Variants in SANBR observed in about 807,000 individuals in gnomAD.
SANBR encodes the protein SANT and BTB domain regulator of class switch recombination.
Under a neutral mutation model 101.8 loss-of-function variants are expected in SANBR, and 77 were observed. That is an observed-to-expected ratio of 0.76 (90% confidence interval 0.63 to 0.91). The LOEUF (loss-of-function observed/expected upper bound fraction) is 0.91, where lower values mean the gene tolerates loss of function less well. Among genes scored for constraint, SANBR ranks in the 40% least tolerant of loss-of-function variants. The probability of loss-of-function intolerance (pLI) is 0.00; values close to 1 mark genes in which losing one functional copy is unlikely to be tolerated. For synonymous variants in SANBR, 279 were observed against 274.7 expected (o/e 1.02, Z -0.15); for missense variants, 875 against 853.0 (o/e 1.03, Z -0.32).
chr2:61,089,827 G>A (rs936831863), intron 10 of SANBR, among the ~76,000 whole-genome samples: 4 of 152,194 alleles, frequency 2.6e-5, no homozygotes, highest in African/African-American at 4.8e-5. Flanking sequence ...CCTTCATCCA[G>A]TATCATTCAG....
At chr2:61,131,819 C>T (rs943240126) in intron 20 of SANBR, among the ~76,000 whole-genome samples, 1 of 152,200 alleles carries the variant, frequency 6.6e-6, no homozygotes, top group Non-Finnish European at 1.5e-5. Flanking sequence ...CAAGACAGTG[C>T]AGTACTGGTA....
intron 20 of SANBR, among the ~76,000 whole-genome samples, chr2:61,120,319 G>T (rs1684272882): frequency 6.6e-6 from 1 of 152,158 alleles, no homozygotes; most frequent in South Asian, 2.1e-4. Flanking sequence ...GGCCAACATG[G>T]TGAAACCCCG....
At chr2:61,075,491 T>G in intron 5 of SANBR, among the ~76,000 whole-genome samples, 1 of 152,172 alleles carries the variant, frequency 6.6e-6, no homozygotes. Context: ...ACTCCTGGGC[T>G]CAAGCAATCC....
In SANBR at chr2:61,097,708, CTG is replaced by C. The variant is rs1343400713; in HGVS notation, c.1223_1224del (p.Cys408TyrfsTer2). On this transcript the variant is annotated frameshift_variant, in exon 12 of 22. Transcript: ENST00000402291. LOFTEE classifies it high-confidence loss of function. ...ATCTATGTCTTTATCAGGCCTTTCTCTGTATTGAATTTTCACATTGTCAATAC... is the reference window on the plus strand; with the variant it reads ...ATCTATGTCTTTATCAGGCCTTTCTCTATTGAATTTTCACATTGTCAATAC... ...TCSRCYQAFL[C>X]IEFSHCQYHS... 3.1e-6 allele frequency: 5 copies of C among 1,599,860 alleles called. No homozygotes were observed. The highest frequency in any genetic ancestry group is 4.3e-6 in the Non-Finnish European group (5 of 1,170,824).
At chr2:61,091,214 C>T (rs1366489440) in intron 10 of SANBR, among the ~76,000 whole-genome samples, 1 of 152,036 alleles carries the variant, frequency 6.6e-6, no homozygotes, top group East Asian at 1.9e-4. Context: ...GAGGCTGAGT[C>T]AGGAGGATTG....
intron 14 of SANBR, 49 bp downstream of exon 14, chr2:61,106,711 A>G (rs1181939500): frequency 8.9e-7 from 1 of 1,122,882 alleles, no homozygotes; most frequent in Non-Finnish European, 1.3e-6. Flanking sequence ...ATAATTAATG[A>G]CATTTAATCT....
intron 10 of SANBR, chr2:61,089,671 A>G (rs1317582981): frequency 6.6e-6 from 1 of 152,220 alleles, no homozygotes; most frequent in African/African-American, 2.4e-5. Context: ...GTGAAACTCC[A>G]TCTCAAATAA....
intron 12 of SANBR, among the ~76,000 whole-genome samples, chr2:61,098,831 T>G (rs1683157752): frequency 6.6e-6 from 1 of 152,210 alleles, no homozygotes; most frequent in South Asian, 2.1e-4. Context: ...CCTGTAAACT[T>G]GGATCATTTA....
chr2:61,120,104 A>G (rs772743278), intron 20 of SANBR, among the ~76,000 whole-genome samples: 8 of 152,204 alleles, frequency 5.3e-5, no homozygotes, highest in Non-Finnish European at 1.2e-4. Flanking sequence ...CACCATACAG[A>G]TCAATTCACA....
chr2:61,113,292 A>G (rs994026405), intron 16 of SANBR, among the ~76,000 whole-genome samples: 1 of 152,142 alleles, frequency 6.6e-6, no homozygotes, highest in Non-Finnish European at 1.5e-5. Flanking sequence ...TTAATTTTAA[A>G]TTATTTTGGC....
intron 8 of SANBR, among the ~76,000 whole-genome samples, chr2:61,085,100 A>G (rs75449561): frequency 0.035 from 5,261 of 152,248 alleles, 110 homozygotes; most frequent in Non-Finnish European, 0.04. Context: ...GTGGGATGGC[A>G]AGTAGATACC....
At chr2:61,077,595 A>G (rs1229140079) in intron 6 of SANBR, among the ~76,000 whole-genome samples, 7 of 152,124 alleles carry the variant, frequency 4.6e-5, no homozygotes, top group Non-Finnish European at 1.0e-4. Flanking sequence ...TAAGAAAAAA[A>G]AAAAGAAAAG....
At chr2:61,126,386 C>T (rs1167811894), downstream of SANBR, among the ~76,000 whole-genome samples, 3 of 152,134 alleles carry the variant, frequency 2.0e-5, no homozygotes, top group African/African-American at 7.2e-5. Context: ...AGTAATTCCC[C>T]AGCTTCCATT....
At chr2:61,074,091 GAC>G (rs1416349700) in intron 5 of SANBR, among the ~76,000 whole-genome samples, 2 of 152,092 alleles carry the variant, frequency 1.3e-5, no homozygotes, top group South Asian at 2.1e-4. Flanking sequence ...CCCAAATCAA[GAC>G]ACAGAATATT....
At chr2:61,074,661 C>T (rs1031407263) in intron 5 of SANBR, among the ~76,000 whole-genome samples, 4 of 152,192 alleles carry the variant, frequency 2.6e-5, no homozygotes, top group Admixed American at 2.0e-4. Flanking sequence ...GCCTTGGCCT[C>T]CCAAAGTGCT....
At chr2:61,137,982 C>T (rs1354919684) in exon 22 of SANBR, 3 of 152,152 alleles carry the variant, frequency 2.0e-5, no homozygotes, top group East Asian at 1.9e-4. Flanking sequence ...TTTAGCTACT[C>T]AGTAGTAATG....
At chr2:61,103,148 T>A (rs1275409544) in intron 12 of SANBR, among the ~76,000 whole-genome samples, 1 of 151,466 alleles carries the variant, frequency 6.6e-6, no homozygotes, top group Non-Finnish European at 1.5e-5. Context: ...TTTTTTTTTT[T>A]TTTTTGAGAC....
chr2:61,096,995 A>T (rs1163466885), intron 11 of SANBR, among the ~76,000 whole-genome samples: 1 of 152,122 alleles, frequency 6.6e-6, no homozygotes, highest in East Asian at 1.9e-4. Flanking sequence ...CTCTACTAAA[A>T]ATAGAAAAAC....
In SANBR at chr2:61,111,742, A is replaced by G. The variant is rs996091016; in HGVS notation, c.1744+2446A>G. ...TCTCCAGTTCTGCTCTCAGGCAACCATGAATCTGTTTTGTCAAAACAATTT... is the reference window on the plus strand; with the variant it reads ...TCTCCAGTTCTGCTCTCAGGCAACCGTGAATCTGTTTTGTCAAAACAATTT... On this transcript the variant is annotated intron_variant, in intron 16 of 21. Transcript: ENST00000402291. 5.3e-5 allele frequency among the ~76,000 whole-genome samples: 8 copies of G among 152,232 alleles called. No homozygotes were observed. In the East Asian group the frequency reaches 1.3e-3, roughly 26 times the overall value.
Sources: gnomAD v4.1 joint callset for allele counts (sites outside exome capture counted in the v4.1 genomes callset) on GRCh38, gnomAD v4.1.1 for gene constraint, MANE v1.5 for transcripts, NCBI Gene and HGNC (gene_info 2026-07-23, HGNC 2026-07-21) for gene names.